ADAMTS18: variants seen among roughly 807,000 people sequenced by gnomAD.
The protein encoded by ADAMTS18 is A disintegrin and metalloproteinase with thrombospondin motifs 18.
Under a neutral mutation model 165.9 loss-of-function variants are expected in ADAMTS18, and 157 were observed. That is an observed-to-expected ratio of 0.95 (90% CI 0.83 to 1.08). The LOEUF (loss-of-function observed/expected upper bound fraction) is 1.08. Among genes scored for constraint, ADAMTS18 ranks in the 50% least tolerant of loss-of-function variants. ADAMTS18 has a pLI of 0.00. For missense variants in ADAMTS18, 2,040 were observed against 1,534.0 expected (o/e 1.33, Z -5.51); for synonymous variants, 782 against 578.2 (o/e 1.35, Z -5.06).
rs114891228 is a variant in ADAMTS18, at chr16:77,359,553, A to C, written c.1217-130T>G. The C allele has an allele frequency of 0.37, 218,617 of 585,896 alleles. 16,714 individuals are homozygous for C. Among genetic ancestry groups the C allele is most frequent in the Non-Finnish European group, 0.42 (142,505 of 341,106 alleles). The allele number at this position is 585,896 out of a possible 1,614,324, so 36.3% of individuals were successfully genotyped here. On this transcript the variant is annotated intron_variant, in intron 7 of 22. Coordinates refer to ENST00000282849, the MANE Select transcript of ADAMTS18 (RefSeq NM_199355.4). ...TCAATGCATTCAGTGTTTTTGGAAAAAAAAAAAAAAAAAGATCTATAGTTC... is the reference window on the plus strand; with the variant it reads ...TCAATGCATTCAGTGTTTTTGGAAACAAAAAAAAAAAAAGATCTATAGTTC...
rs543788336 is a variant in ADAMTS18 at position 77,305,113 on chromosome 16, A to G, written c.2533-4709T>C. 6.6e-4 allele frequency among the ~76,000 whole-genome samples: 12 copies of G among 18,248 alleles called. No individual in the cohort carries two copies. In the East Asian group the frequency reaches 0.022, roughly 33 times the overall value. The allele number at this position is 18,248 out of a possible 152,430, so 12.0% of individuals were successfully genotyped here. On this transcript the variant is annotated intron_variant, in intron 16 of 22. Coordinates refer to ENST00000282849, the MANE Select transcript of ADAMTS18 (RefSeq NM_199355.4). ...AAAGGAAGTAAAAACTTAAACAAAT[A>G]AGTACCAAGACAAATATATAAAAGA... is the stretch of plus-strand genomic sequence containing the variant.
chr16:77,341,289 C>G (rs1438474507), intron 11 of ADAMTS18, among the ~76,000 whole-genome samples: 1 of 152,084 alleles, frequency 6.6e-6, no homozygotes. Flanking sequence ...ATGTCAAAAG[C>G]TCAATGACAG....
At chr16:77,295,743 G>T (rs149328987) in intron 18 of ADAMTS18, among the ~76,000 whole-genome samples, 2 of 152,128 alleles carry the variant, frequency 1.3e-5, no homozygotes, top group East Asian at 3.9e-4. Context: ...TTAGTGATAG[G>T]TTAAATACCT....
Position 77,364,236 on chromosome 16 carries a change from C to A in ADAMTS18, c.924G>T (p.Lys308Asn), listed in dbSNP as rs1427280563. ...LVVADKKMVE[K>N]HGKGNVTTYI... ...ATGTGGTGACATTTCCCTTGCCATGCTTTTCCACCATTTTCTTGTCTGCCA... is the reference window on the plus strand; with the variant it reads ...ATGTGGTGACATTTCCCTTGCCATGATTTTCCACCATTTTCTTGTCTGCCA... Residue 308 changes from lysine to asparagine, a missense_variant, in exon 5 of 23, where the codon AAG becomes AAT. Coordinates refer to ENST00000282849, the MANE Select transcript of ADAMTS18 (RefSeq NM_199355.4). 1 of 1,613,906 alleles carries A rather than the reference C, an allele frequency of 6.2e-7. No homozygotes were observed. Among genetic ancestry groups the A allele is most frequent in the East Asian group, 2.2e-5 (1 of 44,882 alleles).
At chr16:77,375,455 G>A (rs1442627835) in intron 3 of ADAMTS18, among the ~76,000 whole-genome samples, 1 of 152,148 alleles carries the variant, frequency 6.6e-6, no homozygotes, top group South Asian at 2.1e-4. Context: ...TGAGAGGAGC[G>A]GGGAAGCTAA....
At chr16:77,341,956 A>G (rs549050412) in intron 10 of ADAMTS18, among the ~76,000 whole-genome samples, 157 bp from the exon 11 acceptor site, 39 of 152,358 alleles carry the variant, frequency 2.6e-4, no homozygotes, top group African/African-American at 9.1e-4. Context: ...ACCAAAGTTA[A>G]TATGTTTTAG....
intron 13 of ADAMTS18, among the ~76,000 whole-genome samples, chr16:77,324,482 G>C (rs1162297355): frequency 6.6e-6 from 1 of 152,202 alleles, no homozygotes; most frequent in African/African-American, 2.4e-5. Context: ...ACCAAGTGCT[G>C]TTCTTGGATG....
Position 77,409,521 on chromosome 16 carries a change from G to A in ADAMTS18, c.495+21774C>T, listed in dbSNP as rs2057434070. 2.0e-5 allele frequency among the ~76,000 whole-genome samples: 3 copies of A among 152,182 alleles called. No individual in the cohort carries two copies. In the South Asian group the frequency reaches 6.2e-4, roughly 32 times the overall value. ...CACAGACATTCTGCTCGCAGTAGCT[G>A]ACTCAACAGCCAAGGCTGACAGATT... is the stretch of plus-strand genomic sequence containing the variant. On this transcript the variant is annotated intron_variant, in intron 3 of 22. Coordinates refer to ENST00000282849, the MANE Select transcript of ADAMTS18 (RefSeq NM_199355.4).
At chr16:77,400,269 T>A (rs1301407080) in intron 3 of ADAMTS18, among the ~76,000 whole-genome samples, 1 of 152,100 alleles carries the variant, frequency 6.6e-6, no homozygotes. Context: ...AGAGCCAGCA[T>A]TACATATCTT....
chr16:77,400,235 C>A (rs1400375496), intron 3 of ADAMTS18, among the ~76,000 whole-genome samples: 1 of 152,132 alleles, frequency 6.6e-6, no homozygotes, highest in Non-Finnish European at 1.5e-5. Flanking sequence ...CTCAGCCTTG[C>A]CTCCAGCAGA....
intron 22 of ADAMTS18, among the ~76,000 whole-genome samples, chr16:77,284,665 C>T (rs1451402658): frequency 6.6e-6 from 1 of 152,090 alleles, no homozygotes; most frequent in East Asian, 1.9e-4. Flanking sequence ...ACATCTAATC[C>T]AAGATCAATG....
At chr16:77,309,167 C>G (rs1419334911) in intron 16 of ADAMTS18, among the ~76,000 whole-genome samples, 1 of 151,466 alleles carries the variant, frequency 6.6e-6, no homozygotes, top group East Asian at 1.9e-4. Context: ...AACTATGTGA[C>G]TGCTAAATCA....
intron 3 of ADAMTS18, among the ~76,000 whole-genome samples, chr16:77,372,211 A>T (rs2056886443): frequency 6.6e-6 from 1 of 152,194 alleles, no homozygotes; most frequent in South Asian, 2.1e-4. Context: ...GGTATGAAGG[A>T]TCCTTTAAAA....
intron 3 of ADAMTS18, among the ~76,000 whole-genome samples, chr16:77,384,910 GTT>G: frequency 8.2e-6 from 1 of 122,384 alleles, no homozygotes; most frequent in Non-Finnish European, 1.9e-5. Context: ...TTCAGATAAG[GTT>G]TTTTTTTTTT....
At chr16:77,431,674 A>G in intron 2 of ADAMTS18, 63 bp from the exon 3 acceptor site, 1 of 1,557,532 alleles carries the variant, frequency 6.4e-7, no homozygotes, top group Non-Finnish European at 8.8e-7. Flanking sequence ...GTCTCTTTCC[A>G]GCAAGCTGGC....
intron 3 of ADAMTS18, among the ~76,000 whole-genome samples, chr16:77,378,344 A>AC (rs2056982143): frequency 1.8e-5 from 1 of 56,666 alleles, no homozygotes; most frequent in Non-Finnish European, 4.2e-5. Flanking sequence ...CAAAAACAAA[A>AC]AAAAACAAAA....
intron 3 of ADAMTS18, among the ~76,000 whole-genome samples, chr16:77,398,896 G>A (rs1016717839): frequency 6.6e-6 from 1 of 152,084 alleles, no homozygotes; most frequent in African/African-American, 2.4e-5. Context: ...TAGATGTTTG[G>A]GTGGGATGAG....
At chr16:77,295,541 A>C (rs935739398) in intron 18 of ADAMTS18, among the ~76,000 whole-genome samples, 9 of 152,188 alleles carry the variant, frequency 5.9e-5, no homozygotes, top group African/African-American at 2.2e-4. Flanking sequence ...ACAAATAAAG[A>C]CAGTACTTTC....
At chr16:77,385,458 T>C (rs1226036637) in intron 3 of ADAMTS18, among the ~76,000 whole-genome samples, 6 of 152,164 alleles carry the variant, frequency 3.9e-5, no homozygotes, top group African/African-American at 1.4e-4. Context: ...GGGATTCCAA[T>C]TTTTGGAATC....
Sources: allele counts gnomAD v4.1 joint callset (sites outside exome capture counted in the v4.1 genomes callset), GRCh38; gene constraint gnomAD v4.1.1; transcripts MANE v1.5; gene names NCBI Gene and HGNC (gene_info 2026-07-23, HGNC 2026-07-21).